GRIA3: variants seen among roughly 807,000 people sequenced by gnomAD.
GRIA3 encodes glutamate receptor 3.
In GRIA3, 3 loss-of-function variants were observed where a neutral mutation model predicts 63.0. The observed-to-expected ratio is 0.05, with a 90% CI of 0.02 to 0.12. The LOEUF is 0.12. Among genes scored for constraint, GRIA3 ranks in the 10% least tolerant of loss-of-function variants. The probability of loss-of-function intolerance (pLI) is 1.00; values close to 1 mark genes in which losing one functional copy is unlikely to be tolerated. For missense variants in GRIA3, 347 were observed against 700.9 expected, an observed-to-expected ratio of 0.50 and a Z score of 5.70; for synonymous variants, 274 against 257.9, an observed-to-expected ratio of 1.06 and a Z score of -0.60.
chrX:123,259,698 G>A (rs1285770230), intron 3 of GRIA3, among the ~76,000 whole-genome samples: 1 of 111,459 alleles, frequency 9.0e-6, no homozygotes, highest in Non-Finnish European at 1.9e-5. Context: ...TTACAACTGA[G>A]GAAACCAAAG....
chrX:123,275,468 T>C (rs912577805), intron 3 of GRIA3, among the ~76,000 whole-genome samples: 15 of 112,362 alleles, frequency 1.3e-4, no homozygotes, highest in African/African-American at 4.9e-4. Flanking sequence ...GTGGGATGGA[T>C]TTACTGAGCC....
rs149728625 is a variant in GRIA3, at chrX:123,383,488, T to C, written c.751-11480T>C. 6.7e-3 allele frequency among the ~76,000 whole-genome samples: 748 copies of C among 111,266 alleles called. 5 individuals are homozygous for C. The highest frequency in any genetic ancestry group is 0.023 in the African/African-American group (705 of 30,583). ...ACTATCATTCTACTCTCTACTTCCG[T>C]GAGATCAAAATTTTTAGCTCCCAGA... On this transcript the variant is annotated intron_variant, in intron 5 of 15. Transcript: ENST00000620443.
At chrX:123,431,634 AAAT>A (rs1385463653) in intron 12 of GRIA3, among the ~76,000 whole-genome samples, 3 of 112,388 alleles carry the variant, frequency 2.7e-5, no homozygotes, top group Admixed American at 9.4e-5. Context: ...AGCTGCACTG[AAAT>A]GACCATTCTC....
At chrX:123,221,555 T>C (rs1928287804) in intron 2 of GRIA3, among the ~76,000 whole-genome samples, 1 of 112,007 alleles carries the variant, frequency 8.9e-6, no homozygotes, top group Admixed American at 9.4e-5. Flanking sequence ...ATCCAGGATA[T>C]TGCAGACCTG....
At chrX:123,243,382 C>T (rs938289589) in intron 2 of GRIA3, among the ~76,000 whole-genome samples, 1 of 112,015 alleles carries the variant, frequency 8.9e-6, no homozygotes, top group Non-Finnish European at 1.9e-5. Flanking sequence ...TTCCTGCCTC[C>T]TCTACCAGAT....
chrX:123,370,903 C>A (rs1177649204), intron 5 of GRIA3, among the ~76,000 whole-genome samples: 1 of 110,558 alleles, frequency 9.0e-6, no homozygotes, highest in East Asian at 2.8e-4. Context: ...AGCCAATTAT[C>A]CTCTTTTAGT....
intron 4 of GRIA3, among the ~76,000 whole-genome samples, chrX:123,350,253 T>C (rs2045084964): frequency 9.0e-6 from 1 of 110,960 alleles, no homozygotes; most frequent in Non-Finnish European, 1.9e-5. Flanking sequence ...CATCAAGGCA[T>C]GTTGTTCTGT....
At chrX:123,214,785 C>A (rs954653034) in intron 2 of GRIA3, among the ~76,000 whole-genome samples, 2 of 112,083 alleles carry the variant, frequency 1.8e-5, no homozygotes, top group African/African-American at 6.5e-5. Flanking sequence ...TGATAGCATA[C>A]CCCTTTTATG....
At chrX:123,371,864 G>A (rs1398859576) in intron 5 of GRIA3, among the ~76,000 whole-genome samples, 3 of 111,076 alleles carry the variant, frequency 2.7e-5, no homozygotes, top group African/African-American at 6.6e-5. Flanking sequence ...TTGCTGTGCA[G>A]AAGCTTTTTA....
At chrX:123,366,790 C>G (rs2045213091) in intron 5 of GRIA3, among the ~76,000 whole-genome samples, 1 of 111,518 alleles carries the variant, frequency 9.0e-6, no homozygotes, top group African/African-American at 3.3e-5. Flanking sequence ...ATTTAGTCAG[C>G]AGGTGGTTAG....
At chrX:123,302,339 A>G (rs896938863) in intron 3 of GRIA3, among the ~76,000 whole-genome samples, 2 of 111,779 alleles carry the variant, frequency 1.8e-5, no homozygotes, top group African/African-American at 6.5e-5. Context: ...GTAAAATAAG[A>G]CTAATGGGAT....
intron 3 of GRIA3, among the ~76,000 whole-genome samples, chrX:123,315,726 C>G (rs919995497): frequency 1.8e-5 from 2 of 112,115 alleles, no homozygotes; most frequent in Non-Finnish European, 3.8e-5. Context: ...CACCTTCACA[C>G]TCCATATCTA....
At chrX:123,307,092 A>G (rs2044759578) in intron 3 of GRIA3, among the ~76,000 whole-genome samples, 1 of 111,671 alleles carries the variant, frequency 9.0e-6, no homozygotes, top group African/African-American at 3.3e-5. Flanking sequence ...TCAAATTAAA[A>G]TGGCACAGGA....
At chrX:123,191,842 C>CAT (rs1384190532) in intron 2 of GRIA3, among the ~76,000 whole-genome samples, 1 of 110,890 alleles carries the variant, frequency 9.0e-6, no homozygotes, top group Middle Eastern at 4.7e-3. Flanking sequence ...GTATATATTT[C>CAT]ATATATATGA....
chrX:123,405,961 A>C (rs2045471615), intron 10 of GRIA3, among the ~76,000 whole-genome samples: 1 of 112,751 alleles, frequency 8.9e-6, no homozygotes, highest in Admixed American at 9.4e-5. Flanking sequence ...TTGCTGAATT[A>C]ATGAATGAAA....
chrX:123,219,760 TAG>T (rs1484144298), intron 2 of GRIA3, among the ~76,000 whole-genome samples: 1 of 112,361 alleles, frequency 8.9e-6, no homozygotes, highest in Non-Finnish European at 1.9e-5. Context: ...AGCTGGAACC[TAG>T]ACTGATTTGT....
At chrX:123,184,978 G>C in intron 1 of GRIA3, 1 of 378,334 alleles carries the variant, frequency 2.6e-6, no homozygotes. Flanking sequence ...TTTTCGGCTC[G>C]CTGCTCTGGA....
At chrX:123,216,712 C>T (rs911242714) in intron 2 of GRIA3, among the ~76,000 whole-genome samples, 2 of 111,851 alleles carry the variant, frequency 1.8e-5, no homozygotes, top group African/African-American at 6.5e-5. Context: ...GAAGGCTCTA[C>T]GAATAGCACA....
chrX:123,442,954 G>C (rs1306626452), intron 12 of GRIA3, among the ~76,000 whole-genome samples: 3 of 110,174 alleles, frequency 2.7e-5, no homozygotes, highest in African/African-American at 9.9e-5. Flanking sequence ...GGTGTCTTGA[G>C]AGTGATCACA....
Sources: gnomAD v4.1 joint callset for allele counts (sites outside exome capture counted in the v4.1 genomes callset) on GRCh38, gnomAD v4.1.1 for gene constraint, MANE v1.5 for transcripts, NCBI Gene and HGNC (gene_info 2026-07-23, HGNC 2026-07-21) for gene names.